ANKRD13C: variants seen among roughly 807,000 people sequenced by gnomAD.
ANKRD13C encodes ankyrin repeat domain 13C.
A neutral mutation model predicts 65.5 loss-of-function variants in ANKRD13C; 16 were observed. That is an observed-to-expected ratio of 0.24 (90% CI 0.17 to 0.37). The LOEUF (loss-of-function observed/expected upper bound fraction) is 0.37. ANKRD13C is among the 10% of genes least tolerant of loss of function. The pLI is 1.00. For synonymous variants in ANKRD13C, 235 were observed against 238.7 expected (o/e 0.98, Z 0.14); for missense variants, 503 against 655.9 (o/e 0.77, Z 2.55).
At chr1:70,330,227 C>A (rs1026361514) in intron 2 of ANKRD13C, among the ~76,000 whole-genome samples, 1 of 151,936 alleles carries the variant, frequency 6.6e-6, no homozygotes, top group Non-Finnish European at 1.5e-5. Context: ...GAACTCAAGG[C>A]AAGGACTGTG....
intron 3 of ANKRD13C, among the ~76,000 whole-genome samples, chr1:70,322,441 T>C (rs1183925584): frequency 6.6e-6 from 1 of 152,212 alleles, no homozygotes; most frequent in Non-Finnish European, 1.5e-5. Context: ...GACAATGGGA[T>C]ATTATTTAGA....
intron 3 of ANKRD13C, among the ~76,000 whole-genome samples, chr1:70,318,866 A>G (rs1681185090): frequency 6.6e-6 from 1 of 151,922 alleles, no homozygotes; most frequent in Admixed American, 6.6e-5. Flanking sequence ...TATTTTTAGT[A>G]GAAACAGGGT....
intron 8 of ANKRD13C, among the ~76,000 whole-genome samples, chr1:70,294,053 T>C (rs1206233823): frequency 6.6e-6 from 1 of 152,164 alleles, no homozygotes; most frequent in African/African-American, 2.4e-5. Flanking sequence ...TAGAATACTA[T>C]GCAATTGCTA....
chr1:70,338,318 A>C (rs1682148079), intron 1 of ANKRD13C, among the ~76,000 whole-genome samples: 2 of 152,196 alleles, frequency 1.3e-5, no homozygotes, highest in Admixed American at 1.3e-4. Flanking sequence ...TTTCCGCATT[A>C]GGAACTCTCA....
intron 1 of ANKRD13C, among the ~76,000 whole-genome samples, chr1:70,342,406 C>T (rs892926922): frequency 9.2e-5 from 14 of 151,950 alleles, no homozygotes; most frequent in Non-Finnish European, 1.6e-4. Flanking sequence ...GGCATGGTGG[C>T]GCATGCCTAT....
chr1:70,272,626 C>T (rs1678943438), intron 11 of ANKRD13C, among the ~76,000 whole-genome samples: 1 of 151,210 alleles, frequency 6.6e-6, no homozygotes, highest in African/African-American at 2.4e-5. Context: ...ATTAGGATAA[C>T]TCCTAAAATT....
chr1:70,335,767 G>A (rs1681998715), intron 2 of ANKRD13C, among the ~76,000 whole-genome samples: 1 of 150,104 alleles, frequency 6.7e-6, no homozygotes, highest in Non-Finnish European at 1.5e-5. Flanking sequence ...TTAATATTTG[G>A]AAATAAGTCT....
At chr1:70,338,766 A>G (rs569020136) in intron 1 of ANKRD13C, among the ~76,000 whole-genome samples, 1 of 152,302 alleles carries the variant, frequency 6.6e-6, no homozygotes, top group South Asian at 2.1e-4. Context: ...TCAGATTCAT[A>G]AACTATTCAG....
intron 8 of ANKRD13C, among the ~76,000 whole-genome samples, chr1:70,295,821 C>T (rs1440694580): frequency 1.3e-5 from 2 of 152,064 alleles, no homozygotes; most frequent in South Asian, 4.1e-4. Flanking sequence ...GTCTTCTTAT[C>T]GAATAAAGCA....
At chr1:70,348,484 C>T (rs573768703) in intron 1 of ANKRD13C, among the ~76,000 whole-genome samples, 4 of 152,270 alleles carry the variant, frequency 2.6e-5, no homozygotes, top group Non-Finnish European at 4.4e-5. Context: ...CCAGGCTGGT[C>T]TTGAACTCCC....
At chr1:70,294,260 G>A (rs1679982221) in intron 8 of ANKRD13C, among the ~76,000 whole-genome samples, 1 of 152,202 alleles carries the variant, frequency 6.6e-6, no homozygotes, top group African/African-American at 2.4e-5. Flanking sequence ...AAAAGGTCTG[G>A]AGGATATAAA....
chr1:70,349,621 A>C (rs1258591960), intron 1 of ANKRD13C, among the ~76,000 whole-genome samples: 2 of 152,194 alleles, frequency 1.3e-5, no homozygotes, highest in African/African-American at 4.8e-5. Context: ...AAATTTTACC[A>C]AATCAGTGAT....
At chr1:70,331,067 G>T (rs1197879926) in intron 2 of ANKRD13C, among the ~76,000 whole-genome samples, 2 of 152,156 alleles carry the variant, frequency 1.3e-5, no homozygotes, top group Admixed American at 1.3e-4. Flanking sequence ...AAAGCATGTA[G>T]AAGTATAAAA....
chr1:70,272,463 AC>A (rs1421594061), intron 11 of ANKRD13C, among the ~76,000 whole-genome samples: 1 of 150,860 alleles, frequency 6.6e-6, no homozygotes, highest in East Asian at 2.0e-4. Context: ...CAGGTGATCC[AC>A]CCGCCTCAGC....
At position 70,331,078 on chromosome 1, in the gene ANKRD13C, G is replaced by T. The variant is rs188252130; in HGVS notation, c.472+4980C>A. 1.4e-4 allele frequency among the ~76,000 whole-genome samples: 22 copies of T among 152,290 alleles called. 1 individual carries two copies. The East Asian group carries it at 3.9e-3, about 27-fold the overall frequency. On this transcript the variant is annotated intron_variant, in intron 2 of 12. Coordinates refer to ENST00000370944, the MANE Select transcript of ANKRD13C (RefSeq NM_030816.5). ...AAGGAAAGCATGTAGAAGTATAAAAGATTCTCTTTACCTCAATCAAAATAT... is the reference window on the plus strand; with the variant it reads ...AAGGAAAGCATGTAGAAGTATAAAATATTCTCTTTACCTCAATCAAAATAT...
rs530122370 is a variant in ANKRD13C at position 70,267,283 on chromosome 1, ACT to A, written c.1495+3571_1495+3572del. 1.1e-4 allele frequency among the ~76,000 whole-genome samples: 17 copies of A among 151,186 alleles called. No homozygotes were observed. In the South Asian group the frequency reaches 3.6e-3, roughly 32 times the overall value. ...GTGTTTGCATGATATATCTTTTTCCACTCTTTCACTTCTAATCGGCCTATATC... is the reference window on the plus strand; with the variant it reads ...GTGTTTGCATGATATATCTTTTTCCACTTTCACTTCTAATCGGCCTATATC... On this transcript the variant is annotated intron_variant, in intron 12 of 12. Coordinates refer to ENST00000370944, the MANE Select transcript of ANKRD13C (RefSeq NM_030816.5).
At chr1:70,263,768 T>C (rs1461017276) in intron 12 of ANKRD13C, among the ~76,000 whole-genome samples, 5 of 152,204 alleles carry the variant, frequency 3.3e-5, no homozygotes, top group African/African-American at 7.2e-5. Context: ...ATGGGCAACA[T>C]AGGGAGACCC....
At chr1:70,308,120 A>G (rs1226397426) in intron 5 of ANKRD13C, among the ~76,000 whole-genome samples, 1 of 152,188 alleles carries the variant, frequency 6.6e-6, no homozygotes, top group East Asian at 1.9e-4. Flanking sequence ...AAAAGTAGAT[A>G]GCACTCCAAC....
chr1:70,335,697 TA>T (rs1681993505), intron 2 of ANKRD13C, among the ~76,000 whole-genome samples: 1 of 149,384 alleles, frequency 6.7e-6, no homozygotes, highest in Non-Finnish European at 1.5e-5. Flanking sequence ...TTTATATATA[TA>T]AAATATTATA....
Sources: gnomAD v4.1 joint callset for allele counts (sites outside exome capture counted in the v4.1 genomes callset) on GRCh38, gnomAD v4.1.1 for gene constraint, MANE v1.5 for transcripts, NCBI Gene and HGNC (gene_info 2026-07-23, HGNC 2026-07-21) for gene names.